The following RASAL2 variants were observed in gnomAD, a reference collection of about 807,000 sequenced individuals.
RASAL2 encodes ras GTPase-activating protein nGAP.
Under a neutral mutation model 128.9 loss-of-function variants are expected in RASAL2, and 58 were observed. The observed-to-expected ratio is 0.45, with a 90% CI of 0.36 to 0.56. The LOEUF (loss-of-function observed/expected upper bound fraction) is 0.56, where lower values mean the gene tolerates loss of function less well. Ranked by LOEUF, RASAL2 falls within the 20% of genes least tolerant of loss-of-function variation. RASAL2 has a pLI of 0.00. For missense variants in RASAL2, 1,360 were observed against 1,601.6 expected (o/e 0.85, Z 2.57); for synonymous variants, 561 against 580.8 (o/e 0.97, Z 0.49).
At chr1:178,419,310 A>T (rs191094939) in intron 4 of RASAL2, among the ~76,000 whole-genome samples, 1 of 151,978 alleles carries the variant, frequency 6.6e-6, no homozygotes, top group Non-Finnish European at 1.5e-5. Flanking sequence ...GTTTCATTCT[A>T]TTGCCCCGGC....
At chr1:178,380,385 T>C (rs2102558833) in intron 3 of RASAL2, among the ~76,000 whole-genome samples, 1 of 152,308 alleles carries the variant, frequency 6.6e-6, no homozygotes, top group East Asian at 1.9e-4. Flanking sequence ...AGAGTGGTCC[T>C]AAACTCAACC....
chr1:178,214,757 A>G (rs1248987220), intron 1 of RASAL2, among the ~76,000 whole-genome samples: 1 of 151,906 alleles, frequency 6.6e-6, no homozygotes, highest in Non-Finnish European at 1.5e-5. Flanking sequence ...ACGGGGTTTC[A>G]CTGTGTTAGC....
chr1:178,421,021 C>T (rs571174863), intron 5 of RASAL2, among the ~76,000 whole-genome samples: 2 of 152,110 alleles, frequency 1.3e-5, no homozygotes, highest in African/African-American at 4.8e-5. Context: ...TTATAATAAC[C>T]GTATATGATA....
chr1:178,297,538 C>T (rs113860084), intron 2 of RASAL2, among the ~76,000 whole-genome samples: 21,763 of 143,556 alleles, frequency 0.15, 4,036 homozygotes, highest in African/African-American at 0.45. Flanking sequence ...ACTTGGGAGG[C>T]GGAGGTTGCA....
At chr1:178,208,569 T>C (rs1663140521) in intron 1 of RASAL2, among the ~76,000 whole-genome samples, 1 of 152,224 alleles carries the variant, frequency 6.6e-6, no homozygotes, top group Non-Finnish European at 1.5e-5. Flanking sequence ...ATAGAATACA[T>C]GCACTGCTGA....
At position 178,478,088 on chromosome 1, in the gene RASAL2, T is replaced by G. The variant is rs564853049; in HGVS notation, c.*4849T>G. On this transcript the variant is annotated 3_prime_UTR_variant, in exon 18 of 18. Coordinates refer to ENST00000367649, the MANE Select transcript of RASAL2 (RefSeq NM_170692.4). ...CTTTGCCTGCATTTCAGCATGCATTTTCCTTTCCTACTCAGTTGCTATCTT... is the reference window on the plus strand; with the variant it reads ...CTTTGCCTGCATTTCAGCATGCATTGTCCTTTCCTACTCAGTTGCTATCTT... 3 of 152,276 alleles carry G rather than the reference T, an allele frequency of 2.0e-5. No individual in the cohort carries two copies. Among genetic ancestry groups the G allele is most frequent in the Non-Finnish European group, 2.9e-5 (2 of 68,008 alleles). The allele number at this position is 152,276 out of a possible 1,614,324, so 9.4% of individuals were successfully genotyped here.
At chr1:178,389,409 C>A in intron 3 of RASAL2, 3 of 349,138 alleles carry the variant, frequency 8.6e-6, no homozygotes, top group Non-Finnish European at 1.2e-5. Context: ...AAAAATGTAG[C>A]CTTAATACAG....
intron 1 of RASAL2, among the ~76,000 whole-genome samples, chr1:178,189,108 C>T (rs1018671343): frequency 2.6e-5 from 4 of 152,118 alleles, no homozygotes; most frequent in Non-Finnish European, 4.4e-5. Context: ...TCATTATCAA[C>T]CATGAGTTAC....
chr1:178,332,836 T>C (rs1669397327), intron 3 of RASAL2, among the ~76,000 whole-genome samples: 2 of 151,758 alleles, frequency 1.3e-5, no homozygotes, highest in African/African-American at 4.8e-5. Flanking sequence ...TCTCCTGACC[T>C]CGTGATCTGC....
chr1:178,386,195 C>G (rs1008600294), intron 3 of RASAL2, among the ~76,000 whole-genome samples: 22 of 152,196 alleles, frequency 1.4e-4, no homozygotes, highest in Admixed American at 1.4e-3. Flanking sequence ...CTTTGCCACA[C>G]TTTCCAAAGA....
At chr1:178,259,382 C>T (rs1025197851) in intron 1 of RASAL2, among the ~76,000 whole-genome samples, 3 of 152,002 alleles carry the variant, frequency 2.0e-5, no homozygotes, top group African/African-American at 2.4e-5. Context: ...CCGCCCGCCT[C>T]GGCCTCCCAA....
At chr1:178,220,514 G>C (rs184676366) in intron 1 of RASAL2, among the ~76,000 whole-genome samples, 5 of 152,108 alleles carry the variant, frequency 3.3e-5, no homozygotes, top group Admixed American at 6.5e-5. Flanking sequence ...GAATTACTAC[G>C]GGTGATACAG....
intron 1 of RASAL2, among the ~76,000 whole-genome samples, chr1:178,225,110 T>G (rs539981234): frequency 6.6e-6 from 1 of 152,142 alleles, no homozygotes; most frequent in East Asian, 1.9e-4. Flanking sequence ...TCTGGCTTTG[T>G]TGGATTATTT....
chr1:178,251,526 A>G (rs1425214888), intron 1 of RASAL2, among the ~76,000 whole-genome samples: 1 of 152,246 alleles, frequency 6.6e-6, no homozygotes, highest in African/African-American at 2.4e-5. Context: ...TCATTTATCT[A>G]CATAGTTTTA....
intron 3 of RASAL2, among the ~76,000 whole-genome samples, chr1:178,362,899 C>T (rs73035276): frequency 0.019 from 2,890 of 152,096 alleles, 77 homozygotes; most frequent in African/African-American, 0.063. Flanking sequence ...ATCATAGTTT[C>T]TTTATTCGTC....
Position 178,257,453 on chromosome 1 carries a change from G to GTGTA in RASAL2, c.203-26110_203-26107dup, listed in dbSNP as rs1553266241. Among the ~76,000 whole-genome samples the GTGTA allele has an allele frequency of 2.3e-4, 35 of 151,330 alleles. 4 individuals carry two copies. Among genetic ancestry groups the GTGTA allele is most frequent in the East Asian group, 5.8e-4 (3 of 5,160 alleles). The stretch of plus-strand genomic sequence containing the variant: ...TGTGTGTGTGTGTGTGTGTGTGTGT[G>GTGTA]TGTAGAAATAAAATCAAGTGTCTAA... On this transcript the variant is annotated intron_variant, in intron 1 of 17. Coordinates refer to ENST00000367649, the MANE Select transcript of RASAL2 (RefSeq NM_170692.4).
chr1:178,357,226 T>C (rs1243143133), intron 3 of RASAL2, among the ~76,000 whole-genome samples: 1 of 152,244 alleles, frequency 6.6e-6, no homozygotes, highest in Non-Finnish European at 1.5e-5. Flanking sequence ...TCCATTGTAA[T>C]TTCTCGCTTT....
intron 1 of RASAL2, among the ~76,000 whole-genome samples, chr1:178,276,956 G>T (rs1666545368): frequency 1.3e-5 from 2 of 151,612 alleles, no homozygotes; most frequent in Non-Finnish European, 2.9e-5. Context: ...AGATCATCCT[G>T]GCTAACACGG....
chr1:178,136,756 CAAAAAAAAAAAAAAAAAAA>C (rs397982072), intron 1 of RASAL2, among the ~76,000 whole-genome samples: 1 of 47,200 alleles, frequency 2.1e-5, no homozygotes, highest in African/African-American at 1.0e-4. Context: ...GACTCTGTCT[CAAAAAAAAAAAAAAAAAAA>C]AAAAAAAAAA....
Sources: allele counts gnomAD v4.1 joint callset (sites outside exome capture counted in the v4.1 genomes callset), GRCh38; gene constraint gnomAD v4.1.1; transcripts MANE v1.5; gene names NCBI Gene and HGNC (gene_info 2026-07-23, HGNC 2026-07-21).